Variants in FTO observed in about 807,000 individuals in gnomAD.
FTO encodes alpha-ketoglutarate-dependent dioxygenase FTO.
A neutral mutation model predicts 63.9 loss-of-function variants in FTO; 47 were observed. That is an observed-to-expected ratio of 0.74 (90% CI 0.58 to 0.94). FTO has a LOEUF of 0.94. Ranked by LOEUF, FTO falls within the 40% of genes least tolerant of loss-of-function variation. The pLI, the probability that FTO is intolerant of heterozygous loss-of-function variation, is 0.00. For missense variants in FTO, 562 were observed against 618.1 expected (o/e 0.91, Z 0.96); for synonymous variants, 207 against 224.4 (o/e 0.92, Z 0.69).
At chr16:53,976,362 G>A (rs1207231908) in intron 8 of FTO, among the ~76,000 whole-genome samples, 1 of 152,024 alleles carries the variant, frequency 6.6e-6, no homozygotes, top group African/African-American at 2.4e-5. Flanking sequence ...CGGGCAATTG[G>A]CACAACACCT....
chr16:53,919,445 C>A (rs1317996082), intron 7 of FTO, among the ~76,000 whole-genome samples: 1 of 152,120 alleles, frequency 6.6e-6, no homozygotes, highest in Non-Finnish European at 1.5e-5. Flanking sequence ...GGTAGAACTA[C>A]CATTTGATCC....
intron 8 of FTO, among the ~76,000 whole-genome samples, chr16:53,940,788 G>A (rs547897547): frequency 1.3e-5 from 2 of 152,286 alleles, no homozygotes; most frequent in African/African-American, 4.8e-5. Context: ...ATAACTTTAT[G>A]TAAAAATATC....
chr16:54,106,228 G>T (rs1055165217), intron 8 of FTO, among the ~76,000 whole-genome samples: 1 of 151,968 alleles, frequency 6.6e-6, no homozygotes, highest in African/African-American at 2.4e-5. Context: ...GGAAATCAGC[G>T]GGCAGTGACG....
chr16:53,890,108 A>G (rs1208312546), intron 7 of FTO, among the ~76,000 whole-genome samples: 1 of 152,130 alleles, frequency 6.6e-6, no homozygotes, highest in Non-Finnish European at 1.5e-5. Context: ...CCTTCAAACA[A>G]TTGGATTTGG....
At chr16:53,911,731 C>T (rs1241446474) in intron 7 of FTO, among the ~76,000 whole-genome samples, 1 of 152,198 alleles carries the variant, frequency 6.6e-6, no homozygotes, top group Non-Finnish European at 1.5e-5. Context: ...TACAGGCTAA[C>T]CTAAAGCCTT....
chr16:53,921,552 G>A (rs1182589049), intron 7 of FTO, among the ~76,000 whole-genome samples: 1 of 152,198 alleles, frequency 6.6e-6, no homozygotes, highest in Non-Finnish European at 1.5e-5. Flanking sequence ...GGGCATGTGT[G>A]TGTTGTGGTG....
intron 8 of FTO, among the ~76,000 whole-genome samples, chr16:53,938,704 C>A (rs1025806077): frequency 6.6e-6 from 1 of 152,176 alleles, no homozygotes; most frequent in Non-Finnish European, 1.5e-5. Context: ...GCAGTGGAAC[C>A]ATCGTTACCA....
At chr16:53,864,150 A>G (rs1014070732) in intron 4 of FTO, among the ~76,000 whole-genome samples, 1 of 152,200 alleles carries the variant, frequency 6.6e-6, no homozygotes, top group African/African-American at 2.4e-5. Flanking sequence ...ATAAATATTA[A>G]GATTGAGAGA....
intron 4 of FTO, among the ~76,000 whole-genome samples, chr16:53,871,985 C>T (rs1388049417): frequency 1.3e-5 from 2 of 152,094 alleles, no homozygotes; most frequent in Non-Finnish European, 2.9e-5. Context: ...CTTCGGCCTC[C>T]CAAAGTACTG....
chr16:53,789,947 AAC>A (rs2077859735), intron 1 of FTO, among the ~76,000 whole-genome samples: 1 of 148,750 alleles, frequency 6.7e-6, no homozygotes, highest in East Asian at 1.9e-4. Flanking sequence ...CAAAAATTAT[AAC>A]ACAAATTATA....
At chr16:54,087,508 C>G (rs1163056476) in intron 8 of FTO, among the ~76,000 whole-genome samples, 1 of 152,162 alleles carries the variant, frequency 6.6e-6, no homozygotes, top group Non-Finnish European at 1.5e-5. Flanking sequence ...AATTCTCCCT[C>G]AAGATGCAAA....
intron 1 of FTO, among the ~76,000 whole-genome samples, chr16:53,726,000 T>G (rs2076144110): frequency 6.6e-6 from 1 of 152,168 alleles, no homozygotes; most frequent in Non-Finnish European, 1.5e-5. Context: ...TTTTACTCAA[T>G]TAAGATAAAG....
intron 1 of FTO, among the ~76,000 whole-genome samples, chr16:53,776,471 A>C (rs368925977): frequency 1.3e-5 from 2 of 152,144 alleles, no homozygotes; most frequent in African/African-American, 4.8e-5. Context: ...GAGGTTCACA[A>C]ATTTTTTGGC....
At chr16:54,089,811 G>A (rs1368041516) in intron 8 of FTO, among the ~76,000 whole-genome samples, 1 of 151,504 alleles carries the variant, frequency 6.6e-6, no homozygotes, top group Non-Finnish European at 1.5e-5. Context: ...ATAGAGAAAT[G>A]CAAATCGAAA....
intron 8 of FTO, among the ~76,000 whole-genome samples, chr16:53,939,047 G>A (rs894272811): frequency 1.3e-5 from 2 of 152,088 alleles, no homozygotes; most frequent in Non-Finnish European, 2.9e-5. Context: ...GCAGTGAGCC[G>A]AGATGACGCC....
chr16:54,080,818 C>T lies in FTO; in HGVS notation c.1365-30944C>T, dbSNP rs528018960. ...TGTGCAGTTTGGCCTGAAGCATTTG[C>T]GTCAGTATTCTGCTCCTGGAAGAGT... On this transcript the variant is annotated intron_variant, in intron 8 of 8. Coordinates refer to ENST00000471389, the MANE Select transcript of FTO (RefSeq NM_001080432.3). Among the ~76,000 whole-genome samples, 7 of 152,270 alleles carry T rather than the reference C, an allele frequency of 4.6e-5. No homozygotes were observed. In the South Asian group the frequency reaches 8.3e-4, roughly 18 times the overall value.
intron 8 of FTO, among the ~76,000 whole-genome samples, chr16:53,990,653 TC>T (rs1196694898): frequency 1.5e-3 from 217 of 142,966 alleles, no homozygotes; most frequent in African/African-American, 5.2e-3. Flanking sequence ...TTTTTCCTTT[TC>T]TTTTTATTTT....
intron 4 of FTO, among the ~76,000 whole-genome samples, chr16:53,851,730 A>G (rs541294824): frequency 2.6e-5 from 4 of 152,210 alleles, no homozygotes; most frequent in Admixed American, 2.0e-4. Context: ...TATGTGCTGG[A>G]AATTTTTTTA....
chr16:54,099,538 A>C (rs1343315009), intron 8 of FTO, among the ~76,000 whole-genome samples: 2 of 152,186 alleles, frequency 1.3e-5, no homozygotes, highest in Non-Finnish European at 2.9e-5. Flanking sequence ...GGGCAGGTAG[A>C]AGTCATGCAA....
Sources: gnomAD v4.1 joint callset for allele counts (sites outside exome capture counted in the v4.1 genomes callset) on GRCh38, gnomAD v4.1.1 for gene constraint, MANE v1.5 for transcripts, NCBI Gene and HGNC (gene_info 2026-07-23, HGNC 2026-07-21) for gene names.